Variants in KIAA1549 observed in about 807,000 individuals in gnomAD.
KIAA1549 encodes KIAA1549.
In KIAA1549, 70 loss-of-function variants were observed where a neutral mutation model predicts 156.4. The ratio of observed to expected loss-of-function variants is 0.45; its 90% CI spans 0.37 to 0.55. The LOEUF is 0.55. Ranked by LOEUF, KIAA1549 falls within the 20% of genes least tolerant of loss-of-function variation. The pLI is 0.00. For synonymous variants in KIAA1549, 1,103 were observed against 1,066.4 expected, an observed-to-expected ratio of 1.03 and a Z score of -0.67; for missense variants, 2,428 against 2,540.9, an observed-to-expected ratio of 0.96 and a Z score of 0.96.
At chr7:138,907,467 T>C (rs1210287281) in intron 5 of KIAA1549, among the ~76,000 whole-genome samples, 1 of 152,064 alleles carries the variant, frequency 6.6e-6, no homozygotes, top group East Asian at 1.9e-4. Flanking sequence ...TGGATTGATA[T>C]AAACCAGAAC....
chr7:138,891,494 G>C (rs1181836161), intron 10 of KIAA1549, among the ~76,000 whole-genome samples: 2 of 152,194 alleles, frequency 1.3e-5, no homozygotes, highest in Non-Finnish European at 2.9e-5. Context: ...ATAAAAGAAA[G>C]CATGGGGTTT....
rs562508986 is a variant in KIAA1549 at position 138,882,888 on chromosome 7, C to T, written c.4033-1304G>A. On this transcript the variant is annotated intron_variant, in intron 10 of 19. Transcript: ENST00000422774. ...ACCCCACACCAAACCCATGACAGAC[C>T]CCTGAGCCTGCAACTAGGGATGCCA... 2.0e-5 allele frequency among the ~76,000 whole-genome samples: 3 copies of T among 152,040 alleles called. No individual in the cohort carries two copies. In the South Asian group the frequency reaches 6.3e-4, roughly 32 times the overall value.
At chr7:138,969,029 A>T (rs987208716) in intron 1 of KIAA1549, among the ~76,000 whole-genome samples, 5 of 152,092 alleles carry the variant, frequency 3.3e-5, no homozygotes, top group Non-Finnish European at 5.9e-5. Flanking sequence ...TTCATCACCC[A>T]GGTATTAAGC....
intron 1 of KIAA1549, among the ~76,000 whole-genome samples, chr7:138,956,669 G>C (rs950133902): frequency 2.6e-5 from 4 of 152,146 alleles, no homozygotes; most frequent in African/African-American, 9.7e-5. Context: ...CAGCCACATG[G>C]AACTGTGAGT....
intron 12 of KIAA1549, among the ~76,000 whole-genome samples, chr7:138,877,537 A>G (rs1811123138): frequency 6.6e-6 from 1 of 152,230 alleles, no homozygotes; most frequent in Non-Finnish European, 1.5e-5. Context: ...GAAAGCTAGG[A>G]GAAAAACTCA....
chr7:138,853,311 C>T (rs1356034743), intron 16 of KIAA1549, among the ~76,000 whole-genome samples: 1 of 152,062 alleles, frequency 6.6e-6, no homozygotes, highest in African/African-American at 2.4e-5. Flanking sequence ...AACCTAGGCC[C>T]ACAACATCAC....
chr7:138,894,278 C>T (rs1811620838), intron 10 of KIAA1549, 64 bp downstream of exon 10: 18 of 1,514,124 alleles, frequency 1.2e-5, no homozygotes, highest in Non-Finnish European at 1.6e-5. Flanking sequence ...AGAGCCCAAA[C>T]TCATCCTATC....
chr7:138,958,888 T>TTTG (rs376417222), intron 1 of KIAA1549, among the ~76,000 whole-genome samples: 88 of 152,190 alleles, frequency 5.8e-4, no homozygotes, highest in African/African-American at 2.0e-3. Flanking sequence ...AAAGGTTTTT[T>TTTG]TTTTGTTTTG....
At chr7:138,949,535 G>A (rs759624821) in intron 1 of KIAA1549, among the ~76,000 whole-genome samples, 6 of 151,860 alleles carry the variant, frequency 4.0e-5, no homozygotes, top group Admixed American at 6.6e-5. Flanking sequence ...GCTGTCTCTC[G>A]GCATACAGCT....
rs1382040740 is a variant in KIAA1549, at chr7:138,917,518, G to A, written c.2108C>T (p.Pro703Leu). 10 of 1,613,648 alleles carry A rather than the reference G, an allele frequency of 6.2e-6. No individual in the cohort carries two copies. The Admixed American group carries it at 1.5e-4, about 24-fold the overall frequency. The change falls in exon 2 of 20, where the codon CCT (proline) becomes CTT (leucine). Residue 703 changes from proline to leucine, a missense_variant. Transcript: ENST00000422774. ...FSQLQPSSEL[P>L]LNTIMLLPSR... ...AGGTAGCAACATGATGGTGTTTAAA[G>A]GCAGCTCGGAACTTGGCTGGAGCTG...
intron 15 of KIAA1549, among the ~76,000 whole-genome samples, chr7:138,864,233 G>T (rs555636395): frequency 2.0e-5 from 3 of 152,178 alleles, no homozygotes; most frequent in Non-Finnish European, 4.4e-5. Flanking sequence ...TGTGGGAAAC[G>T]ATCTCAGACA....
chr7:138,943,964 G>A (rs60714039), intron 1 of KIAA1549, among the ~76,000 whole-genome samples: 23,225 of 150,554 alleles, frequency 0.15, 2,010 homozygotes, highest in South Asian at 0.26. Flanking sequence ...ACAGGGTCTC[G>A]TTATGTTGCC....
chr7:138,963,675 A>G (rs512011), intron 1 of KIAA1549, among the ~76,000 whole-genome samples: 77,505 of 152,012 alleles, frequency 0.51, 23,073 homozygotes, highest in African/African-American at 0.84. Context: ...CGGCTGTACC[A>G]GTTAGTTTTT....
chr7:138,933,040 T>G (rs976893052), intron 1 of KIAA1549, among the ~76,000 whole-genome samples: 3 of 152,088 alleles, frequency 2.0e-5, no homozygotes, highest in Non-Finnish European at 2.9e-5. Flanking sequence ...GCTGAATGAC[T>G]CCGAGAGACC....
intron 1 of KIAA1549, among the ~76,000 whole-genome samples, chr7:138,932,094 G>A (rs1413907009): frequency 6.6e-6 from 1 of 152,166 alleles, no homozygotes; most frequent in African/African-American, 2.4e-5. Context: ...ACGAGACAAG[G>A]TTCTTGAACC....
intron 18 of KIAA1549, 96 bp downstream of exon 18, chr7:138,844,221 G>A: frequency 2.2e-6 from 3 of 1,360,164 alleles, no homozygotes; most frequent in Non-Finnish European, 3.1e-6. Context: ...AGTGGCAGAG[G>A]CCTCTGCACA....
intron 17 of KIAA1549, among the ~76,000 whole-genome samples, chr7:138,851,478 AT>A (rs756627205): frequency 1.8e-4 from 27 of 150,874 alleles, no homozygotes; most frequent in Admixed American, 6.6e-5. Context: ...CAATATCTGG[AT>A]CCCCTGTAGT....
At chr7:138,886,487 A>C (rs1018940317) in intron 10 of KIAA1549, among the ~76,000 whole-genome samples, 7 of 152,080 alleles carry the variant, frequency 4.6e-5, no homozygotes, top group Admixed American at 4.6e-4. Flanking sequence ...TACATTGCCC[A>C]GCTGATCTGG....
intron 1 of KIAA1549, among the ~76,000 whole-genome samples, chr7:138,925,086 C>T (rs140838306): frequency 1.3e-5 from 2 of 152,282 alleles, no homozygotes; most frequent in East Asian, 3.9e-4. Flanking sequence ...GCACCTCGCC[C>T]TGGCCAGGTT....
Sources: allele counts gnomAD v4.1 joint callset (sites outside exome capture counted in the v4.1 genomes callset), GRCh38; gene constraint gnomAD v4.1.1; transcripts MANE v1.5; gene names NCBI Gene and HGNC (gene_info 2026-07-23, HGNC 2026-07-21).